TTYH2: variants seen among roughly 807,000 people sequenced by gnomAD.
TTYH2 encodes the protein protein tweety homolog 2.
A neutral mutation model predicts 68.3 loss-of-function variants in TTYH2; 49 were observed. That is an observed-to-expected ratio of 0.72 (90% CI 0.57 to 0.91). The LOEUF is 0.91. Among genes scored for constraint, TTYH2 ranks in the 40% least tolerant of loss-of-function variants. The pLI is 0.00. For missense variants in TTYH2, 631 were observed against 700.4 expected, an observed-to-expected ratio of 0.90 and a Z score of 1.12; for synonymous variants, 272 against 300.8, an observed-to-expected ratio of 0.90 and a Z score of 0.99.
intron 13 of TTYH2, among the ~76,000 whole-genome samples, chr17:74,258,765 G>A (rs776017399): frequency 1.6e-4 from 24 of 152,014 alleles, no homozygotes; most frequent in Non-Finnish European, 3.1e-4. Context: ...CATGCCAGTG[G>A]CAGCCCAGTG....
At chr17:74,235,942 G>T (rs532147920) in intron 3 of TTYH2, among the ~76,000 whole-genome samples, 1 of 151,330 alleles carries the variant, frequency 6.6e-6, no homozygotes, top group East Asian at 1.9e-4. Context: ...ATGGATGAAC[G>T]GGCTACTCTG....
chr17:74,245,123 C>G (rs1299791017), intron 6 of TTYH2, among the ~76,000 whole-genome samples: 3 of 152,188 alleles, frequency 2.0e-5, no homozygotes, highest in Non-Finnish European at 2.9e-5. Flanking sequence ...TGGGCGTGGA[C>G]ACAATGCCCT....
rs1473847926 is a variant in TTYH2, at chr17:74,260,422, A to AC, written c.*215dup. On this transcript the variant is annotated 3_prime_UTR_variant, in exon 14 of 14. Coordinates refer to ENST00000269346, the MANE Select transcript of TTYH2 (RefSeq NM_032646.6). ...CTCTCTCTTTTGCCCTGCTCTCCAC[A>AC]CCAGAAATGCCCCCAGGTGCTTGGC... 7.0e-6 allele frequency: 4 copies of AC among 568,648 alleles called. No individual in the cohort carries two copies. Among genetic ancestry groups the AC allele is most frequent in the Non-Finnish European group, 1.3e-5 (4 of 317,088 alleles). The allele number at this position is 568,648 out of a possible 1,614,324, so 35.2% of individuals were successfully genotyped here.
rs2050216439 is a variant in TTYH2 at position 74,215,750 on chromosome 17, T to C, written c.129+2034T>C. The C allele has an allele frequency of 6.6e-7, 1 of 1,515,436 alleles. No homozygotes were observed. Among genetic ancestry groups the C allele is most frequent in the Admixed American group, 2.0e-5 (1 of 50,818 alleles). The allele number at this position is 1,515,436 out of a possible 1,614,324, so 93.9% of individuals were successfully genotyped here. A position where few individuals can be genotyped will look rare whatever the true frequency, so the allele number is the denominator to read the frequency against. On this transcript the variant is annotated intron_variant, in intron 1 of 13. Coordinates refer to ENST00000269346, the MANE Select transcript of TTYH2 (RefSeq NM_032646.6). This position sits in a 1 kb window ranked among gnomAD's most constrained non-coding sequence, Gnocchi z 4.3. ...GTTGTGACCACAGGTCTCTCCTGGATGTCTTCTTTCCTCCTGAGCACCAGT... is the reference window on the plus strand; with the variant it reads ...GTTGTGACCACAGGTCTCTCCTGGACGTCTTCTTTCCTCCTGAGCACCAGT...
At chr17:74,252,421 C>T in intron 11 of TTYH2, 45 bp downstream of exon 11, 1 of 1,599,518 alleles carries the variant, frequency 6.3e-7, no homozygotes, top group South Asian at 1.1e-5. Flanking sequence ...GCCTGGAGTT[C>T]TGGGAGAGCA....
chr17:74,250,070 C>A, intron 9 of TTYH2, 42 bp downstream of exon 9: 1 of 1,603,696 alleles, frequency 6.2e-7, no homozygotes, highest in East Asian at 2.2e-5. Flanking sequence ...CAGATGAACC[C>A]TGACAGCCCT....
chr17:74,248,638 C>A lies in TTYH2; in HGVS notation c.805-373C>A, dbSNP rs1241604389. On this transcript the variant is annotated intron_variant, in intron 6 of 13. Coordinates refer to ENST00000269346, the MANE Select transcript of TTYH2 (RefSeq NM_032646.6). ...AACGAACTCCCACACACACAGCCTGCAGCTGCCCTGGGGCCCAGGATGCTG... is the reference window on the plus strand; with the variant it reads ...AACGAACTCCCACACACACAGCCTGAAGCTGCCCTGGGGCCCAGGATGCTG... 4 of 1,128,634 alleles carry A rather than the reference C, an allele frequency of 3.5e-6. No individual in the cohort carries two copies. In the African/African-American group the frequency reaches 4.7e-5, roughly 13 times the overall value. 69.9% of individuals were successfully genotyped at this position (1,128,634 alleles called of 1,614,324 possible). A position where few individuals can be genotyped will look rare whatever the true frequency, so the allele number is the denominator to read the frequency against.
rs2050216063 is a variant in TTYH2 at position 74,215,708 on chromosome 17, T to C, written c.129+1992T>C. The stretch of plus-strand genomic sequence containing the variant: ...GGGTGTTATTTAAGGTGGCTCCTGT[T>C]TTTGGTAAGTTCCCCTGTTGTGACC... On this transcript the variant is annotated intron_variant, in intron 1 of 13. Transcript: ENST00000269346. The surrounding 1 kb of genome is among the most constrained non-coding windows in gnomAD (Gnocchi z 4.3). The C allele has an allele frequency of 1.3e-6, 2 of 1,515,404 alleles. No individual in the cohort carries two copies. Among genetic ancestry groups the C allele is most frequent in the African/African-American group, 1.7e-5 (1 of 57,908 alleles). 93.9% of individuals were successfully genotyped at this position (1,515,404 alleles called of 1,614,324 possible). A position where few individuals can be genotyped will look rare whatever the true frequency, so the allele number is the denominator to read the frequency against.
intron 2 of TTYH2, among the ~76,000 whole-genome samples, chr17:74,226,067 T>C (rs1296522367): frequency 6.6e-6 from 1 of 152,186 alleles, no homozygotes; most frequent in African/African-American, 2.4e-5. Flanking sequence ...GGGGTGGCAG[T>C]GCTATCCTCC....
chr17:74,218,628 C>T (rs1324864473), intron 1 of TTYH2, among the ~76,000 whole-genome samples: 1 of 152,152 alleles, frequency 6.6e-6, no homozygotes, highest in Non-Finnish European at 1.5e-5. Flanking sequence ...GGCCAGCTGC[C>T]CAGCTTGGAG....
chr17:74,260,057 TC>T (rs34344898), intron 13 of TTYH2, 71 bp from the exon 14 acceptor site: 316,710 of 1,410,072 alleles, frequency 0.22, 37,402 homozygotes, highest in Non-Finnish European at 0.24. Flanking sequence ...CTCTGAGAAG[TC>T]CCCGGCACCT....
intron 6 of TTYH2, chr17:74,247,924 T>C (rs2050577182): frequency 6.6e-6 from 1 of 152,242 alleles, no homozygotes; most frequent in Non-Finnish European, 1.5e-5. Flanking sequence ...AGGGGTGTGT[T>C]ATTCCGCACC....
intron 3 of TTYH2, among the ~76,000 whole-genome samples, chr17:74,235,913 A>G (rs1367027650): frequency 6.6e-6 from 1 of 151,530 alleles, no homozygotes; most frequent in Non-Finnish European, 1.5e-5. Context: ...AAAAAAAAAC[A>G]AAAAAGAGAA....
At chr17:74,250,399 C>T in intron 10 of TTYH2, 42 bp downstream of exon 10, 1 of 1,524,618 alleles carries the variant, frequency 6.6e-7, no homozygotes, top group Non-Finnish European at 9.0e-7. Flanking sequence ...TGTGAGGGCA[C>T]CCAGCAGGCC....
intron 9 of TTYH2, 87 bp downstream of exon 9, chr17:74,250,115 C>A: frequency 6.6e-7 from 1 of 1,526,176 alleles, no homozygotes; most frequent in Non-Finnish European, 9.0e-7. Context: ...AGGCTGTGCA[C>A]AGCTTGCTGC....
intron 6 of TTYH2, among the ~76,000 whole-genome samples, chr17:74,247,501 C>T (rs914554034): frequency 2.0e-5 from 3 of 152,152 alleles, no homozygotes; most frequent in Non-Finnish European, 4.4e-5. Flanking sequence ...GTGTGAAGAG[C>T]AGGCCTGGCC....
chr17:74,237,501 G>T lies in TTYH2; in HGVS notation c.622G>T (p.Val208Leu), dbSNP rs751787591. 1 of 1,611,984 alleles carries T rather than the reference G, an allele frequency of 6.2e-7. No homozygotes were observed. Among genetic ancestry groups the T allele is most frequent in the Non-Finnish European group, 8.5e-7 (1 of 1,178,572 alleles). ...CAAGCTATCCGACCAGACTGGCTAC[G>T]TGGAGTACTACAGGTGAAGGACCGG... is the stretch of plus-strand genomic sequence containing the variant. Reference protein sequence around the residue: ...LTKLSDQTGYVEYYRWLSYLL... With the variant: ...LTKLSDQTGYLEYYRWLSYLL... The change falls in exon 4 of 14, where the codon GTG (valine) becomes TTG (leucine). Residue 208 changes from valine to leucine, a missense_variant. Physicochemically the swap from Val to Leu is conservative, Grantham distance 32 (BLOSUM62 1). Coordinates refer to ENST00000269346, the MANE Select transcript of TTYH2 (RefSeq NM_032646.6).
Position 74,249,073 on chromosome 17 carries a change from C to T in TTYH2, c.867C>T (p.Ile289=), listed in dbSNP as rs2050590870. 6.2e-7 allele frequency: 1 copy of T among 1,614,100 alleles called. No homozygotes were observed. Among genetic ancestry groups the T allele is most frequent in the Non-Finnish European group, 8.5e-7 (1 of 1,180,040 alleles). Reference sequence around the variant, plus strand: ...TCCTGAACGTCACGGAGGGCCAGATCAGCACAGGTAACTACACACTCTCAG... The same window carrying T: ...TCCTGAACGTCACGGAGGGCCAGATTAGCACAGGTAACTACACACTCTCAG... ...TFILNVTEGQ[I]STEVTRYYLY... The change falls in exon 7 of 14, where the codon ATC becomes ATT. Residue 289 remains isoleucine, a synonymous_variant. Coordinates refer to ENST00000269346, the MANE Select transcript of TTYH2 (RefSeq NM_032646.6).
chr17:74,215,519 G>A lies in TTYH2; in HGVS notation c.129+1803G>A. 1 of 992,400 alleles carries A rather than the reference G, an allele frequency of 1.0e-6. No homozygotes were observed. The highest frequency in any genetic ancestry group is 1.5e-6 in the Non-Finnish European group (1 of 682,436). The allele number at this position is 992,400 out of a possible 1,614,324, so 61.5% of individuals were successfully genotyped here. ...TCTGGCCCCGGCTCACTTTGTGCTG[G>A]GCATCAAATGGTTCCAGAGGGTGTC... On this transcript the variant is annotated intron_variant, in intron 1 of 13. Coordinates refer to ENST00000269346, the MANE Select transcript of TTYH2 (RefSeq NM_032646.6). This position sits in a 1 kb window ranked among gnomAD's most constrained non-coding sequence, Gnocchi z 4.3.
Sources: allele counts gnomAD v4.1 joint callset (sites outside exome capture counted in the v4.1 genomes callset), GRCh38; gene constraint gnomAD v4.1.1; non-coding constraint Gnocchi (gnomAD v3.1); transcripts MANE v1.5; gene names NCBI Gene and HGNC (gene_info 2026-07-23, HGNC 2026-07-21).